THSD4: variants seen among roughly 807,000 people sequenced by gnomAD.
The protein encoded by THSD4 is thrombospondin type-1 domain-containing protein 4.
In THSD4, 69 loss-of-function variants were observed where a neutral mutation model predicts 119.0. The ratio of observed to expected loss-of-function variants is 0.58; its 90% CI spans 0.48 to 0.71. The LOEUF (loss-of-function observed/expected upper bound fraction) is 0.71, where lower values mean the gene tolerates loss of function less well. THSD4 is among the 30% of genes least tolerant of loss of function. THSD4 has a pLI of 0.00. For synonymous variants in THSD4, 524 were observed against 540.4 expected, an observed-to-expected ratio of 0.97 and a Z score of 0.42; for missense variants, 1,393 against 1,391.1, an observed-to-expected ratio of 1.00 and a Z score of -0.02.
intron 7 of THSD4, among the ~76,000 whole-genome samples, chr15:71,640,684 A>T (rs2050840491): frequency 6.6e-6 from 1 of 152,102 alleles, no homozygotes; most frequent in Non-Finnish European, 1.5e-5. Flanking sequence ...TAAGTGTAAA[A>T]ATCCATCCCT....
chr15:71,370,931 T>A (rs1184039329), intron 6 of THSD4, among the ~76,000 whole-genome samples: 2 of 152,226 alleles, frequency 1.3e-5, no homozygotes, highest in East Asian at 1.9e-4. Context: ...TTTGTAAGTC[T>A]CTAAGGACTT....
At chr15:71,444,609 C>G (rs1356589914) in intron 7 of THSD4, among the ~76,000 whole-genome samples, 12 of 152,334 alleles carry the variant, frequency 7.9e-5, no homozygotes, top group Non-Finnish European at 1.5e-5. Context: ...ATTATATTTT[C>G]TTCCTCCCTT....
chr15:71,279,011 A>C (rs1483643873), intron 6 of THSD4, among the ~76,000 whole-genome samples: 1 of 152,224 alleles, frequency 6.6e-6, no homozygotes, highest in Non-Finnish European at 1.5e-5. Flanking sequence ...TAAACGGAGC[A>C]GCCTATTAAA....
intron 6 of THSD4, among the ~76,000 whole-genome samples, chr15:71,317,772 C>G (rs2045209828): frequency 6.6e-6 from 1 of 152,208 alleles, no homozygotes; most frequent in Non-Finnish European, 1.5e-5. Flanking sequence ...GGATCTATCA[C>G]TTAGTATTGA....
At chr15:71,759,589 G>T (rs1282161620) in intron 15 of THSD4, among the ~76,000 whole-genome samples, 1 of 152,138 alleles carries the variant, frequency 6.6e-6, no homozygotes, top group East Asian at 1.9e-4. Flanking sequence ...AAAATACATA[G>T]GACCTAAACC....
rs554042147 is a variant in THSD4, at chr15:71,369,393, A to G, written c.1016-42294A>G. Among the ~76,000 whole-genome samples, 16 of 152,296 alleles carry G rather than the reference A, an allele frequency of 1.1e-4. No homozygotes were observed. In the East Asian group the frequency reaches 2.7e-3, roughly 26 times the overall value. ...AAGGGAAAGCTTCCAGTTTTTGCCC[A>G]TTCAGTCTGATATTGGCTGTGGGAT... On this transcript the variant is annotated intron_variant, in intron 6 of 17. Coordinates refer to ENST00000261862, the MANE Select transcript of THSD4 (RefSeq NM_024817.3).
chr15:71,282,006 A>G (rs2044658764), intron 6 of THSD4, among the ~76,000 whole-genome samples: 1 of 152,220 alleles, frequency 6.6e-6, no homozygotes, highest in Admixed American at 6.5e-5. Flanking sequence ...GGAGGATAAT[A>G]GTAGTATCCC....
At chr15:71,299,938 C>T (rs2044920627) in intron 6 of THSD4, among the ~76,000 whole-genome samples, 1 of 133,744 alleles carries the variant, frequency 7.5e-6, no homozygotes, top group Non-Finnish European at 1.5e-5. Flanking sequence ...GCCTGGGCAT[C>T]ATAATGAGAC....
At chr15:71,433,456 GTTT>G (rs557632746) in intron 7 of THSD4, among the ~76,000 whole-genome samples, 4 of 133,986 alleles carry the variant, frequency 3.0e-5, no homozygotes, top group African/African-American at 1.1e-4. Context: ...TTTTTTCTTT[GTTT>G]TTTTTTTTTT....
intron 7 of THSD4, among the ~76,000 whole-genome samples, chr15:71,512,521 A>G (rs2048298366): frequency 6.6e-6 from 1 of 152,222 alleles, no homozygotes; most frequent in Non-Finnish European, 1.5e-5. Flanking sequence ...CCACAAGAGC[A>G]AAAGACCAGT....
intron 7 of THSD4, among the ~76,000 whole-genome samples, chr15:71,583,030 G>C (rs911741850): frequency 1.3e-5 from 2 of 152,160 alleles, no homozygotes; most frequent in Non-Finnish European, 2.9e-5. Flanking sequence ...AGGTTTGGTA[G>C]AATTCACTGG....
intron 6 of THSD4, among the ~76,000 whole-genome samples, chr15:71,353,250 G>A (rs931999153): frequency 6.6e-6 from 1 of 152,168 alleles, no homozygotes; most frequent in Non-Finnish European, 1.5e-5. Flanking sequence ...AGTGTGGGAT[G>A]AGGAACATAA....
intron 6 of THSD4, among the ~76,000 whole-genome samples, chr15:71,332,144 G>A (rs1195266970): frequency 6.6e-6 from 1 of 152,126 alleles, no homozygotes; most frequent in African/African-American, 2.4e-5. Flanking sequence ...CCAGGAATAG[G>A]TTTGTCTCAG....
chr15:71,506,761 C>T (rs2048196336), intron 7 of THSD4, among the ~76,000 whole-genome samples: 1 of 152,236 alleles, frequency 6.6e-6, no homozygotes, highest in Admixed American at 6.5e-5. Flanking sequence ...AGGCTACTGC[C>T]ATGGCAGGAC....
At chr15:71,684,020 C>T (rs1003237179) in intron 8 of THSD4, among the ~76,000 whole-genome samples, 3 of 152,072 alleles carry the variant, frequency 2.0e-5, no homozygotes, top group African/African-American at 7.2e-5. Context: ...CATTTATTAC[C>T]GTTTATTCAA....
chr15:71,665,086 T>C (rs1217263804), intron 8 of THSD4, among the ~76,000 whole-genome samples: 2 of 152,210 alleles, frequency 1.3e-5, no homozygotes, highest in African/African-American at 4.8e-5. Flanking sequence ...TCCACCATAG[T>C]TGGAAAATAT....
intron 6 of THSD4, among the ~76,000 whole-genome samples, chr15:71,290,096 A>G (rs984237737): frequency 2.0e-5 from 3 of 152,150 alleles, no homozygotes; most frequent in Non-Finnish European, 4.4e-5. Flanking sequence ...AATCGGGAGA[A>G]GTGTATTGGA....
chr15:71,356,430 G>A (rs1432486980), intron 6 of THSD4, among the ~76,000 whole-genome samples: 1 of 152,152 alleles, frequency 6.6e-6, no homozygotes, highest in Non-Finnish European at 1.5e-5. Context: ...TTCAGCCTCA[G>A]TGGAATGGAA....
At chr15:71,298,796 A>G (rs1002885113) in intron 6 of THSD4, among the ~76,000 whole-genome samples, 1 of 152,094 alleles carries the variant, frequency 6.6e-6, no homozygotes. Flanking sequence ...GTATTTTAGT[A>G]GAGACGGGGT....
Sources: gnomAD v4.1 joint callset for allele counts (sites outside exome capture counted in the v4.1 genomes callset) on GRCh38, gnomAD v4.1.1 for gene constraint, MANE v1.5 for transcripts, NCBI Gene and HGNC (gene_info 2026-07-23, HGNC 2026-07-21) for gene names.